Variants in SMOC2 observed in about 807,000 individuals in gnomAD.
SMOC2 encodes the protein SPARC related modular calcium binding 2, also known as SPARC-related modular calcium-binding protein 2.
SMOC2 carries 39 observed loss-of-function variants against 61.4 expected under a neutral mutation model. That is an observed-to-expected ratio of 0.64 (90% CI 0.49 to 0.83). The LOEUF is 0.83. SMOC2 is among the 40% of genes least tolerant of loss of function. The probability of loss-of-function intolerance (pLI) is 0.00; values close to 1 mark genes in which losing one functional copy is unlikely to be tolerated. For missense variants in SMOC2, 556 were observed against 592.9 expected, an observed-to-expected ratio of 0.94 and a Z score of 0.65; for synonymous variants, 247 against 239.9, an observed-to-expected ratio of 1.03 and a Z score of -0.27.
At chr6:168,510,718 A>G (rs892119907) in intron 2 of SMOC2, among the ~76,000 whole-genome samples, 5 of 152,208 alleles carry the variant, frequency 3.3e-5, no homozygotes, top group Admixed American at 6.5e-5. Context: ...AATCCTCTTA[A>G]ATGAAACAAA....
intron 9 of SMOC2, among the ~76,000 whole-genome samples, chr6:168,645,602 CCACATGTGACAGCCCGGG>C (rs1490439531): frequency 6.6e-6 from 1 of 152,180 alleles, no homozygotes; most frequent in Non-Finnish European, 1.5e-5. Flanking sequence ...TTCTCCCAAC[CCACATGTGACAGCCCGGG>C]CACAAGAGTG....
chr6:168,529,408 T>C (rs982540707), intron 4 of SMOC2, among the ~76,000 whole-genome samples: 2 of 152,202 alleles, frequency 1.3e-5, no homozygotes, highest in Non-Finnish European at 2.9e-5. Context: ...GGGGGGGCAG[T>C]GTTTCCACGT....
chr6:168,482,112 T>C (rs926037373), intron 1 of SMOC2, among the ~76,000 whole-genome samples: 6 of 151,824 alleles, frequency 4.0e-5, no homozygotes, highest in African/African-American at 1.4e-4. Flanking sequence ...ATTGGTTCTT[T>C]GAAAAGATCA....
chr6:168,559,476 A>AAAAT lies in SMOC2; in HGVS notation c.637+10277_637+10280dup, dbSNP rs3033582. ...TCTCAAAAAAATAAAAATAAAAATA[A>AAAAT]AAATAAAATAAAATAAAATAAAATA... On this transcript the variant is annotated intron_variant, in intron 7 of 12. Coordinates refer to ENST00000356284, the MANE Select transcript of SMOC2 (RefSeq NM_001166412.2). 1.3e-4 allele frequency among the ~76,000 whole-genome samples: 9 copies of AAAAT among 69,796 alleles called. No homozygotes were observed. In the South Asian group the frequency reaches 3.2e-3, roughly 25 times the overall value. 45.8% of individuals were successfully genotyped at this position (69,796 alleles called of 152,430 possible).
intron 2 of SMOC2, among the ~76,000 whole-genome samples, chr6:168,514,442 G>A (rs1386033560): frequency 6.6e-6 from 1 of 152,256 alleles, no homozygotes; most frequent in Non-Finnish European, 1.5e-5. Flanking sequence ...GTTATGGAAA[G>A]TTGGCGTGGA....
intron 2 of SMOC2, among the ~76,000 whole-genome samples, chr6:168,510,303 C>T (rs576963015): frequency 2.6e-4 from 39 of 152,176 alleles, no homozygotes; most frequent in African/African-American, 8.9e-4. Flanking sequence ...TGCCTTATTC[C>T]ACCATGAAAG....
chr6:168,483,834 G>A (rs531051877), intron 1 of SMOC2, among the ~76,000 whole-genome samples: 3 of 152,090 alleles, frequency 2.0e-5, no homozygotes, highest in African/African-American at 7.2e-5. Context: ...AAGGCCATTC[G>A]TTGGAAAGAG....
chr6:168,569,666 A>G (rs1234502593), intron 7 of SMOC2, among the ~76,000 whole-genome samples: 1 of 151,590 alleles, frequency 6.6e-6, no homozygotes, highest in Non-Finnish European at 1.5e-5. Context: ...GTGGTCCCCA[A>G]CTCCTTAGCT....
chr6:168,652,910 G>A (rs1419812379), intron 10 of SMOC2, 44 bp from the exon 11 acceptor site: 4 of 1,592,214 alleles, frequency 2.5e-6, no homozygotes, highest in Non-Finnish European at 2.6e-6. Context: ...GGAAGGAGCA[G>A]CCCAGGGGTT....
At chr6:168,631,861 A>C (rs1344409898) in intron 9 of SMOC2, among the ~76,000 whole-genome samples, 1 of 152,196 alleles carries the variant, frequency 6.6e-6, no homozygotes, top group Admixed American at 6.5e-5. Context: ...CCTGAAGAGC[A>C]GAGTGAAGAG....
At chr6:168,480,192 C>G (rs1055780372) in intron 1 of SMOC2, among the ~76,000 whole-genome samples, 2 of 152,006 alleles carry the variant, frequency 1.3e-5, no homozygotes, top group African/African-American at 4.8e-5. Context: ...TTCAAATGTC[C>G]AGTTTTTAAC....
At chr6:168,449,082 C>T (rs913393701) in intron 1 of SMOC2, among the ~76,000 whole-genome samples, 6 of 152,280 alleles carry the variant, frequency 3.9e-5, no homozygotes, top group Non-Finnish European at 7.3e-5. Flanking sequence ...TGTGGCCCAT[C>T]GCCCATCTTC....
intron 9 of SMOC2, among the ~76,000 whole-genome samples, chr6:168,636,878 G>GCCCGCATCCCTCCTCCCT (rs1786742222): frequency 2.0e-5 from 1 of 49,060 alleles, no homozygotes; most frequent in Admixed American, 2.0e-4. Context: ...CCCTCCTCCC[G>GCCCGCATCCCTCCTCCCT]CCTCCCTCCT....
chr6:168,523,079 AT>A lies in SMOC2; in HGVS notation c.257-3247del, dbSNP rs1554287070. Among the ~76,000 whole-genome samples the A allele has an allele frequency of 7.1e-3, 669 of 93,660 alleles. 22 individuals carry two copies. The highest frequency in any genetic ancestry group is 0.021 in the African/African-American group (623 of 30,106). 61.4% of individuals were successfully genotyped at this position (93,660 alleles called of 152,430 possible). On this transcript the variant is annotated intron_variant, in intron 2 of 12. Transcript: ENST00000356284. ...TTATGTTATTTGTAGTTGTACAGTA[AT>A]TTTTTTTTTTTTTTTTTTTGAGACG...
intron 7 of SMOC2, among the ~76,000 whole-genome samples, chr6:168,558,938 C>T (rs538612871): frequency 5.6e-4 from 84 of 151,146 alleles, no homozygotes; most frequent in African/African-American, 1.1e-3. Context: ...CACGTGTGTG[C>T]GTGTGCATGC....
intron 9 of SMOC2, among the ~76,000 whole-genome samples, chr6:168,627,607 A>T (rs1401552272): frequency 6.6e-6 from 1 of 152,158 alleles, no homozygotes; most frequent in Non-Finnish European, 1.5e-5. Context: ...CATTCAATGG[A>T]GTGATATATT....
intron 9 of SMOC2, among the ~76,000 whole-genome samples, chr6:168,620,071 G>A (rs1040046651): frequency 9.9e-5 from 15 of 152,176 alleles, no homozygotes; most frequent in African/African-American, 2.9e-4. Context: ...GAAACACACA[G>A]CCCTACCTGC....
At chr6:168,449,290 T>C (rs1348203434) in intron 1 of SMOC2, among the ~76,000 whole-genome samples, 2 of 152,218 alleles carry the variant, frequency 1.3e-5, no homozygotes, top group African/African-American at 4.8e-5. Flanking sequence ...GTGTACAAAC[T>C]TTCCTCACAT....
chr6:168,531,557 A>G (rs1367518893), intron 4 of SMOC2, among the ~76,000 whole-genome samples: 2 of 152,118 alleles, frequency 1.3e-5, no homozygotes, highest in African/African-American at 4.8e-5. Flanking sequence ...GGAAAGACCC[A>G]GGGGGGATTT....
Sources: allele counts gnomAD v4.1 joint callset (sites outside exome capture counted in the v4.1 genomes callset), GRCh38; gene constraint gnomAD v4.1.1; transcripts MANE v1.5; gene names NCBI Gene and HGNC (gene_info 2026-07-23, HGNC 2026-07-21).